The following HSPH1 variants were observed in gnomAD, a reference collection of about 807,000 sequenced individuals.
HSPH1 encodes heat shock protein 105 kDa.
A neutral mutation model predicts 100.0 loss-of-function variants in HSPH1; 40 were observed. The ratio of observed to expected loss-of-function variants is 0.40; its 90% CI spans 0.31 to 0.52. The LOEUF (loss-of-function observed/expected upper bound fraction) is 0.52. Among genes scored for constraint, HSPH1 ranks in the 20% least tolerant of loss-of-function variants. The pLI is 0.54. For missense variants in HSPH1, 876 were observed against 1,015.1 expected (o/e 0.86, Z 1.86); for synonymous variants, 403 against 344.0 (o/e 1.17, Z -1.90).
chr13:31,143,974 T>A (rs760725332), intron 11 of HSPH1, 51 bp from the exon 12 acceptor site: 14 of 1,430,610 alleles, frequency 9.8e-6, no homozygotes, highest in South Asian at 4.8e-5. Flanking sequence ...TGTACTTGTA[T>A]AAATTTTTAA....
intron 14 of HSPH1, among the ~76,000 whole-genome samples, chr13:31,139,687 GTTTC>G (rs1240068711): frequency 6.6e-6 from 1 of 152,028 alleles, no homozygotes; most frequent in Non-Finnish European, 1.5e-5. Context: ...TATCTAGTCA[GTTTC>G]TTTTTTTCCA....
chr13:31,137,260 T>A lies in HSPH1; in HGVS notation c.*58A>T. ...AATAGTTTCAGTATGTTATGTAGAG[T>A]CACATACTATGGCAAAAATATTTTA... On this transcript the variant is annotated 3_prime_UTR_variant, in exon 18 of 18. Coordinates refer to ENST00000320027, the MANE Select transcript of HSPH1 (RefSeq NM_006644.4). 1 of 1,021,054 alleles carries A rather than the reference T, an allele frequency of 9.8e-7. No individual in the cohort carries two copies. Among genetic ancestry groups the A allele is most frequent in the East Asian group, 2.4e-5 (1 of 42,060 alleles). 63.2% of individuals were successfully genotyped at this position (1,021,054 alleles called of 1,614,324 possible). A position where few individuals can be genotyped will look rare whatever the true frequency, so the allele number is the denominator to read the frequency against.
rs756169850 is a variant in HSPH1, at chr13:31,147,990, G to T, written c.1347C>A (p.Pro449=). The change falls in exon 10 of 18, where the codon CCC becomes CCA. Residue 449 remains proline (P), a synonymous_variant. Transcript: ENST00000320027. The part of the protein sequence containing the change: ...PFELEAFYSD[P]QGVPYPEAKI... ...TTGCTTCTGGATATGGAACTCCTTG[G>T]GGATCAGAATAGAAAGCTTCTAGCT... 1.2e-6 allele frequency: 2 copies of T among 1,602,126 alleles called. No individual in the cohort carries two copies. The highest frequency in any genetic ancestry group is 1.7e-6 in the Non-Finnish European group (2 of 1,176,830).
chr13:31,138,994 A>G lies in HSPH1; in HGVS notation c.2088+6T>C. 2 of 1,604,274 alleles carry G rather than the reference A, an allele frequency of 1.2e-6. No individual in the cohort carries two copies. Among genetic ancestry groups the G allele is most frequent in the Non-Finnish European group, 1.7e-6 (2 of 1,171,586 alleles). The stretch of plus-strand genomic sequence containing the variant: ...GTACCACCTTTTGGGGGAGAAAACG[A>G]CCTACCATTAATTCTTCCAACTTGT... On this transcript the variant is annotated splice_donor_region_variant and intron_variant, in intron 15 of 17. Transcript: ENST00000320027.
chr13:31,156,316 G>T (rs1246306295), intron 2 of HSPH1, among the ~76,000 whole-genome samples: 1 of 152,164 alleles, frequency 6.6e-6, no homozygotes, highest in Non-Finnish European at 1.5e-5. Context: ...CATGAACCCA[G>T]GAGGCGGAGC....
intron 14 of HSPH1, 131 bp from the exon 15 acceptor site, chr13:31,139,238 G>A: frequency 3.2e-6 from 2 of 629,936 alleles, no homozygotes; most frequent in East Asian, 2.7e-5. Context: ...TCTCTGCCTT[G>A]TTACACAGAG....
chr13:31,135,196 T>C lies in HSPH1; in HGVS notation c.*2122A>G, dbSNP rs565777434. 3 of 152,324 alleles carry C rather than the reference T, an allele frequency of 2.0e-5. No homozygotes were observed. In the South Asian group the frequency reaches 6.2e-4, roughly 32 times the overall value. The allele number at this position is 152,324 out of a possible 1,614,324, so 9.4% of individuals were successfully genotyped here. A position where few individuals can be genotyped will look rare whatever the true frequency, so the allele number is the denominator to read the frequency against. Reference sequence around the variant, plus strand: ...CTTTTGCCCGCATCCAAAAGCGCAGTACACTGATTTAGGCCAGACTGACTG... The same window carrying C: ...CTTTTGCCCGCATCCAAAAGCGCAGCACACTGATTTAGGCCAGACTGACTG... On this transcript the variant is annotated 3_prime_UTR_variant, in exon 18 of 18. Coordinates refer to ENST00000320027, the MANE Select transcript of HSPH1 (RefSeq NM_006644.4).
chr13:31,140,127 T>C, intron 14 of HSPH1, 57 bp downstream of exon 14: 1 of 1,466,196 alleles, frequency 6.8e-7, no homozygotes, highest in Non-Finnish European at 9.2e-7. Context: ...CTGTCAATTT[T>C]GATATTAAAC....
intron 12 of HSPH1, among the ~76,000 whole-genome samples, chr13:31,141,797 T>C (rs200934906): frequency 1.1e-4 from 14 of 124,248 alleles, no homozygotes; most frequent in East Asian, 4.4e-4. Context: ...TCCATACACA[T>C]ACATACACAC....
Position 31,152,900 on chromosome 13 carries a change from G to C in HSPH1, c.481C>G (p.Gln161Glu). 2 of 1,612,780 alleles carry C rather than the reference G, an allele frequency of 1.2e-6. No individual in the cohort carries two copies. The highest frequency in any genetic ancestry group is 1.7e-6 in the Non-Finnish European group (2 of 1,178,992). The change falls in exon 5 of 18, where the codon CAG (glutamine) becomes GAG (glutamate). Residue 161 changes from glutamine (Q) to glutamate (E), a missense_variant. Physicochemically the swap from Gln to Glu is conservative, Grantham distance 29. Transcript: ENST00000320027. ...CTTAAACAGTTTAGGCCAACAATCT[G>C]TGCAGCATCTAACACAGATCGCCTC... ...AERRSVLDAA[Q>E]IVGLNCLRLM...
chr13:31,141,203 C>T lies in HSPH1; in HGVS notation c.1773G>A (p.Val591=). The T allele has an allele frequency of 6.2e-7, 1 of 1,610,758 alleles. No individual in the cohort carries two copies. The highest frequency in any genetic ancestry group is 8.5e-7 in the Non-Finnish European group (1 of 1,178,118). ...PPEAKKPKIK[V]VNVELPIEAN... ...CTTCAATAGGCAGCTCAACATTCAC[C>T]ACCTTTATTTTGGGCTTTTTAGCTT... The change falls in exon 13 of 18, where the codon GTG becomes GTA. Residue 591 remains valine (V), a synonymous_variant. Coordinates refer to ENST00000320027, the MANE Select transcript of HSPH1 (RefSeq NM_006644.4).
chr13:31,151,010 G>C lies in HSPH1; in HGVS notation c.845C>G (p.Thr282Arg), dbSNP rs2137605910. The C allele has an allele frequency of 6.2e-7, 1 of 1,613,438 alleles. No individual in the cohort carries two copies. The highest frequency in any genetic ancestry group is 8.5e-7 in the Non-Finnish European group (1 of 1,179,464). Reference protein sequence around the residue: ...KLKKLMSSNSTDLPLNIECFM... With the variant: ...KLKKLMSSNSRDLPLNIECFM... Reference sequence around the variant, plus strand: ...GCATTCGATATTCAGTGGAAGGTCTGTGCTGTTAGAGCTCATTAGCTTTTT... The same window carrying C: ...GCATTCGATATTCAGTGGAAGGTCTCTGCTGTTAGAGCTCATTAGCTTTTT... Residue 282 changes from threonine to arginine, a missense_variant, in exon 7 of 18, where the codon ACA becomes AGA. By Grantham distance (71) the Thr-to-Arg change is moderately conservative. Coordinates refer to ENST00000320027, the MANE Select transcript of HSPH1 (RefSeq NM_006644.4).
Position 31,161,536 on chromosome 13 carries a change from G to A in HSPH1, c.47C>T (p.Ala16Val). ...CTCGATGCCCCCGGCCCGGGCTACCGCGATGTAGCAGCTCTGCGAGCCCAC... is the reference window on the plus strand; with the variant it reads ...CTCGATGCCCCCGGCCCGGGCTACCACGATGTAGCAGCTCTGCGAGCCCAC... ...LDVGSQSCYI[A>V]VARAGGIETI... The change falls in exon 1 of 18, where the codon GCG becomes GTG. Residue 16 changes from alanine (A) to valine (V), a missense_variant. By Grantham distance (64) the Ala-to-Val change is moderately conservative (BLOSUM62 0). Transcript: ENST00000320027. 1 of 1,613,894 alleles carries A rather than the reference G, an allele frequency of 6.2e-7. No homozygotes were observed.
chr13:31,141,114 G>T lies in HSPH1; in HGVS notation c.1854+8C>A. Reference sequence around the variant, plus strand: ...TTCAAAATAAAAATATTTAATTGAAGTACTTACCTCTGTCTCAATATACAT... The same window carrying T: ...TTCAAAATAAAAATATTTAATTGAATTACTTACCTCTGTCTCAATATACAT... On this transcript the variant is annotated splice_region_variant and intron_variant, in intron 13 of 17. Transcript: ENST00000320027. 6.5e-7 allele frequency: 1 copy of T among 1,529,212 alleles called. No individual in the cohort carries two copies. 94.7% of individuals were successfully genotyped at this position (1,529,212 alleles called of 1,614,324 possible). A position where few individuals can be genotyped will look rare whatever the true frequency, so the allele number is the denominator to read the frequency against.
At position 31,135,163 on chromosome 13, in the gene HSPH1, TGACAA is replaced by T. The variant is rs2137516088; in HGVS notation, c.*2150_*2154del. On this transcript the variant is annotated 3_prime_UTR_variant, in exon 18 of 18. Transcript: ENST00000320027. ...ATACGTTATTATAAAGTAATCAACATGACAATACTTTTGCCCGCATCCAAAAGCGC... is the reference window on the plus strand; with the variant it reads ...ATACGTTATTATAAAGTAATCAACATTACTTTTGCCCGCATCCAAAAGCGC... The T allele has an allele frequency of 6.6e-6, 1 of 152,340 alleles. No homozygotes were observed. The highest frequency in any genetic ancestry group is 1.9e-4 in the East Asian group (1 of 5,192). The allele number at this position is 152,340 out of a possible 1,614,324, so 9.4% of individuals were successfully genotyped here.
rs780718141 is a variant in HSPH1, at chr13:31,161,624, G to T, written c.-42C>A. ...GCCTCCGCCTCGGGTCTCGGTCTGC[G>T]TCCTCCGGCCCCCTGCCTGCTTCTC... On this transcript the variant is annotated 5_prime_UTR_variant, in exon 1 of 18. Coordinates refer to ENST00000320027, the MANE Select transcript of HSPH1 (RefSeq NM_006644.4). The T allele has an allele frequency of 6.2e-7, 1 of 1,605,432 alleles. No homozygotes were observed. Among genetic ancestry groups the T allele is most frequent in the South Asian group, 1.1e-5 (1 of 90,820 alleles).
At chr13:31,140,506 G>T in intron 13 of HSPH1, 197 bp from the exon 14 acceptor site, 31 of 290,338 alleles carry the variant, frequency 1.1e-4, no homozygotes, top group Non-Finnish European at 1.5e-4. Flanking sequence ...GCTGAAGTTT[G>T]ATTTTTTTAA....
At chr13:31,153,350 A>G (rs1956556077) in intron 4 of HSPH1, among the ~76,000 whole-genome samples, 1 of 152,224 alleles carries the variant, frequency 6.6e-6, no homozygotes, top group Non-Finnish European at 1.5e-5. Context: ...TTAATGTTCA[A>G]CATAATTAAA....
At chr13:31,162,227 T>C, upstream of HSPH1, 1 of 821,370 alleles carries the variant, frequency 1.2e-6, no homozygotes, top group Non-Finnish European at 1.9e-6. Flanking sequence ...ATAGTCACAA[T>C]TTACTACCGG....
Sources: gnomAD v4.1 joint callset for allele counts (sites outside exome capture counted in the v4.1 genomes callset) on GRCh38, gnomAD v4.1.1 for gene constraint, MANE v1.5 for transcripts, NCBI Gene and HGNC (gene_info 2026-07-23, HGNC 2026-07-21) for gene names.